The following CDH13 variants were observed in gnomAD, a reference collection of about 807,000 sequenced individuals.
CDH13 encodes the protein cadherin 13.
Under a neutral mutation model 63.8 loss-of-function variants are expected in CDH13, and 24 were observed. The ratio of observed to expected loss-of-function variants is 0.38; its 90% CI spans 0.27 to 0.53. The LOEUF (loss-of-function observed/expected upper bound fraction) is 0.53, where lower values mean the gene tolerates loss of function less well. Among genes scored for constraint, CDH13 ranks in the 20% least tolerant of loss-of-function variants. The pLI is 0.85. For missense variants in CDH13, 1,049 were observed against 903.1 expected, an observed-to-expected ratio of 1.16 and a Z score of -2.07; for synonymous variants, 503 against 355.3, an observed-to-expected ratio of 1.42 and a Z score of -4.67.
chr16:83,445,737 T>G (rs920581298), intron 6 of CDH13, among the ~76,000 whole-genome samples: 11 of 152,194 alleles, frequency 7.2e-5, no homozygotes, highest in African/African-American at 2.4e-4. Context: ...TTTCCAGAAT[T>G]CAGTTAGAAG....
intron 7 of CDH13, among the ~76,000 whole-genome samples, chr16:83,570,672 T>G (rs1904494805): frequency 6.8e-6 from 1 of 147,472 alleles, no homozygotes; most frequent in Non-Finnish European, 1.5e-5. Flanking sequence ...CTCATCCTTT[T>G]ATATATATAA....
At chr16:83,608,013 G>A (rs1239041874) in intron 8 of CDH13, among the ~76,000 whole-genome samples, 2 of 151,672 alleles carry the variant, frequency 1.3e-5, no homozygotes, top group Non-Finnish European at 1.5e-5. Flanking sequence ...CAGGTCATGG[G>A]GATTAATAAA....
chr16:82,856,716 AAAAAAG>A, intron 1 of CDH13, among the ~76,000 whole-genome samples: 1 of 149,252 alleles, frequency 6.7e-6, no homozygotes, highest in South Asian at 2.1e-4. Flanking sequence ...AAAAAAAAAA[AAAAAAG>A]GAAACTTTAA....
chr16:82,850,654 A>G (rs113615617), intron 1 of CDH13, among the ~76,000 whole-genome samples: 1 of 152,212 alleles, frequency 6.6e-6, no homozygotes, highest in Non-Finnish European at 1.5e-5. Flanking sequence ...GCTATAGAGA[A>G]ATCATTCGTG....
chr16:83,465,483 C>G (rs1271578088), intron 6 of CDH13, among the ~76,000 whole-genome samples: 2 of 152,144 alleles, frequency 1.3e-5, no homozygotes, highest in African/African-American at 4.8e-5. Flanking sequence ...GAGTGGGTAA[C>G]AGACAAGCCA....
chr16:82,928,649 A>G (rs935361183), intron 2 of CDH13, among the ~76,000 whole-genome samples: 1 of 152,334 alleles, frequency 6.6e-6, no homozygotes, highest in African/African-American at 2.4e-5. Flanking sequence ...CCAAGGTAAG[A>G]GTTGTGTAGG....
At chr16:83,784,172 C>T (rs780229526) in intron 13 of CDH13, among the ~76,000 whole-genome samples, 9 of 152,070 alleles carry the variant, frequency 5.9e-5, no homozygotes, top group Non-Finnish European at 1.0e-4. Flanking sequence ...CTTTTGAGAA[C>T]GTATCGGTGT....
At chr16:83,250,334 T>G (rs897142498) in intron 5 of CDH13, among the ~76,000 whole-genome samples, 9 of 152,164 alleles carry the variant, frequency 5.9e-5, no homozygotes, top group Non-Finnish European at 1.5e-5. Context: ...TTCCAAGTGT[T>G]GAGATTAGAG....
intron 5 of CDH13, among the ~76,000 whole-genome samples, chr16:83,307,742 T>TA (rs1444277409): frequency 6.6e-6 from 1 of 152,206 alleles, no homozygotes; most frequent in African/African-American, 2.4e-5. Context: ...ATTGTGAGAC[T>TA]AAATGAAGAA....
rs116960728 is a variant in CDH13 at position 82,988,230 on chromosome 16, G to A, written c.158-43780G>A. ...TGTATGCACATGTATGTAAGAGCACGCACACACGTGTTCTTTTTAATATAA... is the reference window on the plus strand; with the variant it reads ...TGTATGCACATGTATGTAAGAGCACACACACACGTGTTCTTTTTAATATAA... On this transcript the variant is annotated intron_variant, in intron 2 of 13. Transcript: ENST00000567109. Among the ~76,000 whole-genome samples the A allele has an allele frequency of 6.7e-4, 102 of 152,280 alleles. 1 individual carries two copies. In the East Asian group the frequency reaches 8.5e-3, roughly 13 times the overall value.
chr16:83,763,686 T>C (rs958127966), intron 11 of CDH13, among the ~76,000 whole-genome samples: 4 of 152,186 alleles, frequency 2.6e-5, no homozygotes, highest in Non-Finnish European at 5.9e-5. Context: ...ACACCCCTTA[T>C]CTCAGCTGTG....
At chr16:82,690,164 CAA>C (rs35051579) in intron 1 of CDH13, among the ~76,000 whole-genome samples, 1,520 of 51,996 alleles carry the variant, frequency 0.029, 28 homozygotes, top group African/African-American at 0.11. Context: ...AACTCTGTCT[CAA>C]AAAAAAAAAA....
intron 4 of CDH13, among the ~76,000 whole-genome samples, chr16:83,186,298 C>T (rs140159111): frequency 2.0e-5 from 3 of 151,806 alleles, no homozygotes; most frequent in Admixed American, 2.0e-4. Context: ...ACCACCATGC[C>T]AAGCTAATTT....
chr16:83,173,922 A>T (rs2038021953), intron 4 of CDH13, among the ~76,000 whole-genome samples: 1 of 152,114 alleles, frequency 6.6e-6, no homozygotes, highest in African/African-American at 2.4e-5. Flanking sequence ...TCCCAGACCC[A>T]GGGAACAGAA....
At chr16:82,939,851 G>A (rs768724527) in intron 2 of CDH13, among the ~76,000 whole-genome samples, 1 of 152,056 alleles carries the variant, frequency 6.6e-6, no homozygotes, top group Non-Finnish European at 1.5e-5. Flanking sequence ...TCCACTATAG[G>A]TATATTCGCA....
chr16:83,570,964 TATATATAAAA>T (rs1170946541), intron 7 of CDH13, among the ~76,000 whole-genome samples: 8 of 134,088 alleles, frequency 6.0e-5, no homozygotes, highest in African/African-American at 2.1e-4. Context: ...TATATATATA[TATATATAAAA>T]ACCTTCTGGC....
intron 5 of CDH13, among the ~76,000 whole-genome samples, chr16:83,298,058 A>G (rs1039048009): frequency 2.4e-4 from 37 of 151,276 alleles, no homozygotes; most frequent in Non-Finnish European, 4.6e-4. Flanking sequence ...AAAAAAAAAA[A>G]AAAAAGAAAA....
intron 5 of CDH13, among the ~76,000 whole-genome samples, chr16:83,226,221 T>A (rs1241758781): frequency 2.0e-5 from 3 of 152,198 alleles, no homozygotes; most frequent in Non-Finnish European, 4.4e-5. Context: ...GCCTTATCTG[T>A]CAGGTGCAGC....
At chr16:82,873,387 A>C (rs2040406633) in intron 2 of CDH13, among the ~76,000 whole-genome samples, 1 of 152,228 alleles carries the variant, frequency 6.6e-6, no homozygotes, top group Admixed American at 6.5e-5. Context: ...CTCTGACTCC[A>C]AACCCCATTA....
Sources: allele counts gnomAD v4.1 joint callset (sites outside exome capture counted in the v4.1 genomes callset), GRCh38; gene constraint gnomAD v4.1.1; transcripts MANE v1.5; gene names NCBI Gene and HGNC (gene_info 2026-07-23, HGNC 2026-07-21).